Variants in TMC7 observed in about 807,000 individuals in gnomAD.
The protein encoded by TMC7 is transmembrane channel like 7, also known as transmembrane channel-like protein 7.
Under a neutral mutation model 82.9 loss-of-function variants are expected in TMC7, and 54 were observed. The observed-to-expected ratio is 0.65, with a 90% confidence interval of 0.52 to 0.82. The LOEUF is 0.82. Ranked by LOEUF, TMC7 falls within the 40% of genes least tolerant of loss-of-function variation. The probability of loss-of-function intolerance (pLI) is 0.00; values close to 1 mark genes in which losing one functional copy is unlikely to be tolerated. For synonymous variants in TMC7, 350 were observed against 337.9 expected, an observed-to-expected ratio of 1.04 and a Z score of -0.39; for missense variants, 820 against 901.2, an observed-to-expected ratio of 0.91 and a Z score of 1.15.
intron 14 of TMC7, 67 bp downstream of exon 14, chr16:19,056,764 G>C (rs942613102): frequency 1.3e-6 from 2 of 1,553,430 alleles, no homozygotes; most frequent in Non-Finnish European, 1.8e-6. Flanking sequence ...GGCGGCGGTC[G>C]GGGCGGGGTC....
At chr16:19,053,407 T>A (rs531214450) in intron 13 of TMC7, among the ~76,000 whole-genome samples, 1 of 152,176 alleles carries the variant, frequency 6.6e-6, no homozygotes, top group African/African-American at 2.4e-5. Context: ...TAGCTTTGAT[T>A]TTTTTTTCTT....
chr16:18,986,583 T>A (rs889046073), intron 1 of TMC7, among the ~76,000 whole-genome samples: 1 of 151,968 alleles, frequency 6.6e-6, no homozygotes, highest in Non-Finnish European at 1.5e-5. Context: ...TTCCGGTGGC[T>A]TCTCACTGCT....
At chr16:19,040,510 C>T in intron 9 of TMC7, 64 bp downstream of exon 9, 3 of 1,438,258 alleles carry the variant, frequency 2.1e-6, no homozygotes, top group Non-Finnish European at 2.9e-6. Flanking sequence ...CTCTCTTGCC[C>T]ATGGCAGACA....
At chr16:18,987,828 C>T (rs567755276) in intron 1 of TMC7, among the ~76,000 whole-genome samples, 1 of 152,294 alleles carries the variant, frequency 6.6e-6, no homozygotes, top group East Asian at 1.9e-4. Context: ...TTGGCCTCTC[C>T]TCCAGCCTCC....
intron 3 of TMC7, among the ~76,000 whole-genome samples, chr16:19,018,363 C>T (rs1453644519): frequency 1.3e-5 from 2 of 152,012 alleles, no homozygotes; most frequent in East Asian, 3.8e-4. Flanking sequence ...TTTTTTTTCT[C>T]ATAGTTTTGG....
Position 19,006,777 on chromosome 16 carries a change from C to T in TMC7, c.68-2395C>T, listed in dbSNP as rs181829790. On this transcript the variant is annotated intron_variant, in intron 1 of 15. Coordinates refer to ENST00000304381, the MANE Select transcript of TMC7 (RefSeq NM_024847.4). Reference sequence around the variant, plus strand: ...AGCACCCAAGATGGCCTCATCATGGCGATGCCTGGTGAGGATGCCCCAGGG... The same window carrying T: ...AGCACCCAAGATGGCCTCATCATGGTGATGCCTGGTGAGGATGCCCCAGGG... Among the ~76,000 whole-genome samples, 274 of 152,250 alleles carry T rather than the reference C, an allele frequency of 1.8e-3. 2 individuals carry two copies. The highest frequency in any genetic ancestry group is 5.9e-4 in the Non-Finnish European group (40 of 68,010).
intron 5 of TMC7, among the ~76,000 whole-genome samples, chr16:19,023,485 C>T (rs957936757): frequency 3.3e-5 from 5 of 152,140 alleles, no homozygotes; most frequent in Admixed American, 6.5e-5. Flanking sequence ...CTCGCTCCGT[C>T]GCCCAGGCTG....
intron 5 of TMC7, 27 bp downstream of exon 5, chr16:19,023,222 T>C: frequency 6.9e-7 from 1 of 1,446,334 alleles, no homozygotes. Flanking sequence ...ATCCTTTGTT[T>C]AGCTCCTCAA....
At chr16:18,988,543 G>A (rs538393614) in intron 1 of TMC7, among the ~76,000 whole-genome samples, 1 of 152,042 alleles carries the variant, frequency 6.6e-6, no homozygotes, top group East Asian at 1.9e-4. Flanking sequence ...TTCCTGCCTT[G>A]GTCTCCCAAA....
At position 19,009,552 on chromosome 16, in the gene TMC7, A is replaced by G. The variant is rs1038360976; in HGVS notation, c.311+137A>G. ...TAGGGTAAGCTAAGCCTCTTTGACAAACATACCTGAATTTTCTTCTCCACT... is the reference window on the plus strand; with the variant it reads ...TAGGGTAAGCTAAGCCTCTTTGACAGACATACCTGAATTTTCTTCTCCACT... On this transcript the variant is annotated intron_variant, in intron 2 of 15. Coordinates refer to ENST00000304381, the MANE Select transcript of TMC7 (RefSeq NM_024847.4). 28 of 1,126,488 alleles carry G rather than the reference A, an allele frequency of 2.5e-5. No homozygotes were observed. In the African/African-American group the frequency reaches 4.0e-4, roughly 16 times the overall value. 69.8% of individuals were successfully genotyped at this position (1,126,488 alleles called of 1,614,324 possible). A position where few individuals can be genotyped will look rare whatever the true frequency, so the allele number is the denominator to read the frequency against.
At chr16:19,049,562 A>C in intron 12 of TMC7, 7 of 910,384 alleles carry the variant, frequency 7.7e-6, no homozygotes, top group Non-Finnish European at 7.9e-6. Context: ...TCATCAAAGG[A>C]GAGATGGACG....
intron 4 of TMC7, among the ~76,000 whole-genome samples, 178 bp from the exon 5 acceptor site, chr16:19,022,935 G>A (rs751306169): frequency 6.6e-5 from 10 of 152,084 alleles, no homozygotes; most frequent in Non-Finnish European, 1.5e-4. Flanking sequence ...CAGGAGAATC[G>A]CTTGAACCCA....
At chr16:19,060,691 C>T (rs780656441) in intron 15 of TMC7, among the ~76,000 whole-genome samples, 3 of 151,926 alleles carry the variant, frequency 2.0e-5, no homozygotes, top group African/African-American at 7.3e-5. Flanking sequence ...GTAATAGCAA[C>T]CAGAGTCATC....
At chr16:19,011,816 G>C (rs1402211760) in intron 2 of TMC7, among the ~76,000 whole-genome samples, 1 of 152,012 alleles carries the variant, frequency 6.6e-6, no homozygotes, top group Non-Finnish European at 1.5e-5. Flanking sequence ...TAATTTGGGT[G>C]GTCTTGTATT....
intron 1 of TMC7, among the ~76,000 whole-genome samples, chr16:18,998,740 T>G (rs1009106278): frequency 8.3e-6 from 1 of 120,284 alleles, no homozygotes; most frequent in Non-Finnish European, 1.8e-5. Flanking sequence ...GGTGACAGAG[T>G]GAGACTCTGT....
At chr16:19,045,193 T>C in intron 10 of TMC7, 148 bp from the exon 11 acceptor site, 1 of 827,394 alleles carries the variant, frequency 1.2e-6, no homozygotes, top group Non-Finnish European at 2.0e-6. Flanking sequence ...CCAAGGTCTG[T>C]GCTGAGGCTC....
intron 2 of TMC7, among the ~76,000 whole-genome samples, chr16:19,012,912 G>A (rs1315940617): frequency 6.7e-6 from 1 of 149,788 alleles, no homozygotes; most frequent in Non-Finnish European, 1.5e-5. Flanking sequence ...CCTGCCCCAG[G>A]TTCAAGCAAT....
At chr16:18,992,715 GT>G (rs1344136767) in intron 1 of TMC7, among the ~76,000 whole-genome samples, 11 of 152,260 alleles carry the variant, frequency 7.2e-5, no homozygotes, top group Non-Finnish European at 1.2e-4. Context: ...TTCTTCTAGG[GT>G]TTTTATGGTT....
At chr16:19,015,210 T>C (rs1959620684) in intron 2 of TMC7, among the ~76,000 whole-genome samples, 1 of 152,060 alleles carries the variant, frequency 6.6e-6, no homozygotes, top group Non-Finnish European at 1.5e-5. Flanking sequence ...GTGATCTGCC[T>C]GCCTTGGCCT....
Sources: allele counts gnomAD v4.1 joint callset (sites outside exome capture counted in the v4.1 genomes callset), GRCh38; gene constraint gnomAD v4.1.1; transcripts MANE v1.5; gene names NCBI Gene and HGNC (gene_info 2026-07-23, HGNC 2026-07-21).